Variants in ATP5PO observed in about 807,000 individuals in gnomAD.
ATP5PO encodes the protein ATP synthase peripheral stalk subunit OSCP, mitochondrial.
ATP5PO carries 14 observed loss-of-function variants against 26.2 expected under a neutral mutation model. That is an observed-to-expected ratio of 0.53 (90% CI 0.35 to 0.83). ATP5PO has a LOEUF of 0.83. Among genes scored for constraint, ATP5PO ranks in the 40% least tolerant of loss-of-function variants. ATP5PO has a pLI of 0.01. For missense variants in ATP5PO, 241 were observed against 258.5 expected, an observed-to-expected ratio of 0.93 and a Z score of 0.46; for synonymous variants, 106 against 95.1, an observed-to-expected ratio of 1.12 and a Z score of -0.67.
intron 3 of ATP5PO, among the ~76,000 whole-genome samples, chr21:33,911,830 A>T (rs1472244286): frequency 1.3e-5 from 2 of 151,756 alleles, no homozygotes; most frequent in African/African-American, 4.9e-5. Flanking sequence ...CGTCCCGCTA[A>T]TTTTTTGTAT....
chr21:33,912,253 G>A, intron 3 of ATP5PO, 36 bp downstream of exon 3: 1 of 1,549,036 alleles, frequency 6.5e-7, no homozygotes, highest in Non-Finnish European at 8.9e-7. Flanking sequence ...TATACAAACA[G>A]GAACTTCATA....
rs1047242123 is a variant in ATP5PO, at chr21:33,903,536, T to C, written c.632A>G (p.Glu211Gly). The change falls in exon 7 of 7, where the codon GAG becomes GGG. Residue 211 changes from glutamate (E) to glycine (G), a missense_variant. Physicochemically the swap from Glu to Gly is moderately conservative, Grantham distance 98 (BLOSUM62 -2). Transcript: ENST00000290299. ...KIQKLGRAMR[E>G]IV Reference sequence around the variant, plus strand: ...AGAAAACCAACACTTTTAGACAATCTCCCGCATAGCCCTGCCCAGCTTCTG... The same window carrying C: ...AGAAAACCAACACTTTTAGACAATCCCCCGCATAGCCCTGCCCAGCTTCTG... 6.2e-7 allele frequency: 1 copy of C among 1,612,432 alleles called. No individual in the cohort carries two copies. Among genetic ancestry groups the C allele is most frequent in the Admixed American group, 1.7e-5 (1 of 59,492 alleles).
At chr21:33,904,478 A>C (rs1252372135) in intron 5 of ATP5PO, among the ~76,000 whole-genome samples, 1 of 152,060 alleles carries the variant, frequency 6.6e-6, no homozygotes, top group Non-Finnish European at 1.5e-5. Context: ...TTACATCTTC[A>C]TGTTTGCCTA....
rs1250934456 is a variant in ATP5PO, at chr21:33,915,758, A to G, written c.6T>C (p.Ala2=). ...GGGAGAGCCCGGACACTGCTGGGGC[A>G]GCCATCTTCTCCCGGGCGGCTGTAG... M[A]APAVSGLSRQ... Residue 2 remains alanine (A), a synonymous_variant, in exon 1 of 7, where the codon GCT becomes GCC. Coordinates refer to ENST00000290299, the MANE Select transcript of ATP5PO (RefSeq NM_001697.3). 6.3e-7 allele frequency: 1 copy of G among 1,574,822 alleles called. No homozygotes were observed. The highest frequency in any genetic ancestry group is 8.6e-7 in the Non-Finnish European group (1 of 1,160,530).
At chr21:33,905,309 C>T (rs1208279576) in intron 5 of ATP5PO, among the ~76,000 whole-genome samples, 1 of 152,064 alleles carries the variant, frequency 6.6e-6, no homozygotes, top group Non-Finnish European at 1.5e-5. Flanking sequence ...AGGCACATTT[C>T]ATGCCTACTA....
At chr21:33,906,526 C>T (rs569095019) in intron 5 of ATP5PO, 120 of 353,124 alleles carry the variant, frequency 3.4e-4, no homozygotes, top group Non-Finnish European at 5.1e-4. Context: ...AATTATACTT[C>T]TATCTCACAT....
Position 33,908,921 on chromosome 21 carries a change from G to A in ATP5PO, c.328+161C>T, listed in dbSNP as rs1012801727. 6 of 725,258 alleles carry A rather than the reference G, an allele frequency of 8.3e-6. No homozygotes were observed. The South Asian group carries it at 1.8e-4, about 22-fold the overall frequency. 44.9% of individuals were successfully genotyped at this position (725,258 alleles called of 1,614,324 possible). ...AATGTGCAAACGATTCACTTAGGGAGCTGGTTAAGATACAGACTCTGATTC... is the reference window on the plus strand; with the variant it reads ...AATGTGCAAACGATTCACTTAGGGAACTGGTTAAGATACAGACTCTGATTC... On this transcript the variant is annotated intron_variant, in intron 4 of 6. Transcript: ENST00000290299.
chr21:33,905,989 T>C (rs1602770124), intron 5 of ATP5PO, among the ~76,000 whole-genome samples: 1 of 149,746 alleles, frequency 6.7e-6, no homozygotes, highest in Admixed American at 6.7e-5. Flanking sequence ...CAGTGCTTCA[T>C]GATGGGTGAC....
At chr21:33,907,651 T>C (rs1432728193) in intron 4 of ATP5PO, among the ~76,000 whole-genome samples, 198 bp from the exon 5 acceptor site, 2 of 152,092 alleles carry the variant, frequency 1.3e-5, no homozygotes, top group Non-Finnish European at 2.9e-5. Context: ...CCAGCCAAAA[T>C]AGTGAGATCC....
intron 5 of ATP5PO, among the ~76,000 whole-genome samples, chr21:33,904,633 C>T (rs1987145019): frequency 6.6e-6 from 1 of 152,196 alleles, no homozygotes; most frequent in Non-Finnish European, 1.5e-5. Flanking sequence ...TTAGAGCAAG[C>T]ACCTCAAATG....
At chr21:33,910,025 G>C (rs1376490185) in intron 3 of ATP5PO, among the ~76,000 whole-genome samples, 1 of 152,234 alleles carries the variant, frequency 6.6e-6, no homozygotes, top group Non-Finnish European at 1.5e-5. Context: ...GGGAGACAGA[G>C]TGGACAATAA....
chr21:33,907,375 C>T lies in ATP5PO; in HGVS notation c.407G>A (p.Arg136His), dbSNP rs1441348217. The change falls in exon 5 of 7, where the codon CGC (arginine) becomes CAC (histidine). Residue 136 changes from arginine (R) to histidine (H), a missense_variant. Coordinates refer to ENST00000290299, the MANE Select transcript of ATP5PO (RefSeq NM_001697.3). Reference sequence around the variant, plus strand: ...GGTCACTGTGCAAGGTACCTCTCCGCGATGGACACTCATCATGGTAGAAAA... The same window carrying T: ...GGTCACTGTGCAAGGTACCTCTCCGTGATGGACACTCATCATGGTAGAAAA... Reference protein sequence around the residue: ...SAFSTMMSVHRGEVPCTVTSA... With the variant: ...SAFSTMMSVHHGEVPCTVTSA... The T allele has an allele frequency of 8.7e-6, 14 of 1,613,872 alleles. No homozygotes were observed. Among genetic ancestry groups the T allele is most frequent in the East Asian group, 2.2e-5 (1 of 44,892 alleles).
chr21:33,903,792 C>A, intron 6 of ATP5PO, 143 bp downstream of exon 6: 1 of 1,079,340 alleles, frequency 9.3e-7, no homozygotes, highest in South Asian at 1.7e-5. Flanking sequence ...GTCAGATAAT[C>A]ATTTAAATTT....
Position 33,911,662 on chromosome 21 carries a change from G to GTTTTTTTTTTTT in ATP5PO, c.198+615_198+626dup, listed in dbSNP as rs58774588. Among the ~76,000 whole-genome samples, 24 of 92,094 alleles carry GTTTTTTTTTTTT rather than the reference G, an allele frequency of 2.6e-4. 1 individual carries two copies. Among genetic ancestry groups the GTTTTTTTTTTTT allele is most frequent in the South Asian group, 4.4e-4 (1 of 2,256 alleles). The allele number at this position is 92,094 out of a possible 152,430, so 60.4% of individuals were successfully genotyped here. A position where few individuals can be genotyped will look rare whatever the true frequency, so the allele number is the denominator to read the frequency against. On this transcript the variant is annotated intron_variant, in intron 3 of 6. Transcript: ENST00000290299. Reference sequence around the variant, plus strand: ...CTAAACACCTAGCCCATAAGCATAGGTTTTTTTTTTTTTTTTTTTTTTTTG... The same window carrying GTTTTTTTTTTTT: ...CTAAACACCTAGCCCATAAGCATAGGTTTTTTTTTTTTTTTTTTTTTTTTTTTTTTTTTTTTG...
intron 5 of ATP5PO, chr21:33,906,640 G>C (rs114594182): frequency 0.031 from 13,903 of 455,754 alleles, 369 homozygotes; most frequent in African/African-American, 0.088. Flanking sequence ...AGATACAAAG[G>C]CCCAACGGCT....
At chr21:33,904,292 C>G (rs1987140713) in intron 5 of ATP5PO, among the ~76,000 whole-genome samples, 1 of 152,208 alleles carries the variant, frequency 6.6e-6, no homozygotes, top group African/African-American at 2.4e-5. Flanking sequence ...CCTGCCTCTG[C>G]TCTGTGTGCT....
chr21:33,914,418 T>C, intron 2 of ATP5PO, 32 bp downstream of exon 2: 1 of 1,600,974 alleles, frequency 6.2e-7, no homozygotes, highest in Non-Finnish European at 8.5e-7. Flanking sequence ...TTCGCGTACT[T>C]TATCATTACA....
At chr21:33,913,663 G>A (rs1284275218) in intron 2 of ATP5PO, among the ~76,000 whole-genome samples, 1 of 152,166 alleles carries the variant, frequency 6.6e-6, no homozygotes, top group Non-Finnish European at 1.5e-5. Context: ...AAAGGGACTG[G>A]CAACTCCCTG....
At chr21:33,905,918 GAAAAAAAA>G (rs59334506) in intron 5 of ATP5PO, among the ~76,000 whole-genome samples, 2 of 98,460 alleles carry the variant, frequency 2.0e-5, no homozygotes, top group South Asian at 3.9e-4. Context: ...TCTCAAAAAA[GAAAAAAAA>G]AAAAAAAAAA....
Sources: gnomAD v4.1 joint callset for allele counts (sites outside exome capture counted in the v4.1 genomes callset) on GRCh38, gnomAD v4.1.1 for gene constraint, MANE v1.5 for transcripts, NCBI Gene and HGNC (gene_info 2026-07-23, HGNC 2026-07-21) for gene names.